LRRIQ1: variants seen among roughly 807,000 people sequenced by gnomAD.
LRRIQ1 encodes the protein leucine rich repeats and IQ motif containing 1, also known as leucine-rich repeat- and IQ domain-containing protein 1.
A neutral mutation model predicts 211.9 loss-of-function variants in LRRIQ1; 210 were observed. The ratio of observed to expected loss-of-function variants is 0.99; its 90% CI spans 0.89 to 1.11. The LOEUF (loss-of-function observed/expected upper bound fraction) is 1.11. Among genes scored for constraint, LRRIQ1 ranks in the 50% most tolerant of loss-of-function variants. LRRIQ1 has a pLI of 0.00. For synonymous variants in LRRIQ1, 699 were observed against 650.1 expected (o/e 1.08, Z -1.14); for missense variants, 2,136 against 1,939.5 (o/e 1.10, Z -1.90).
At chr12:85,171,096 A>T (rs373271623) in intron 24 of LRRIQ1, among the ~76,000 whole-genome samples, 1 of 152,142 alleles carries the variant, frequency 6.6e-6, no homozygotes, top group Non-Finnish European at 1.5e-5. Context: ...TAGATAATGG[A>T]GATTTTAAAA....
At chr12:85,167,261 A>G (rs1039582227) in intron 24 of LRRIQ1, among the ~76,000 whole-genome samples, 1 of 152,196 alleles carries the variant, frequency 6.6e-6, no homozygotes, top group African/African-American at 2.4e-5. Flanking sequence ...AGGGTTCTCT[A>G]GAGGGACAAA....
intron 18 of LRRIQ1, among the ~76,000 whole-genome samples, chr12:85,131,828 A>G (rs1888787634): frequency 6.6e-6 from 1 of 152,168 alleles, no homozygotes; most frequent in African/African-American, 2.4e-5. Flanking sequence ...TGAATATATG[A>G]GAAAGAGAGA....
At chr12:85,192,298 G>C (rs1298277145) in intron 24 of LRRIQ1, among the ~76,000 whole-genome samples, 1 of 147,792 alleles carries the variant, frequency 6.8e-6, no homozygotes, top group South Asian at 2.1e-4. Flanking sequence ...TAGGATAGTG[G>C]CCTCCAGCTC....
At chr12:85,047,632 T>A (rs1879790695) in intron 6 of LRRIQ1, 162 bp downstream of exon 6, 3 of 576,982 alleles carry the variant, frequency 5.2e-6, no homozygotes, top group Non-Finnish European at 9.1e-6. Context: ...TAATATGAGG[T>A]CCTTGATTAG....
chr12:85,108,309 A>AT (rs1057330529), intron 15 of LRRIQ1, among the ~76,000 whole-genome samples: 5 of 151,952 alleles, frequency 3.3e-5, no homozygotes, highest in Admixed American at 6.6e-5. Context: ...TTTTCTGAGT[A>AT]TTTTTTCCAG....
downstream of LRRIQ1, among the ~76,000 whole-genome samples, chr12:85,265,032 A>G (rs779358369): frequency 9.9e-5 from 15 of 152,074 alleles, no homozygotes; most frequent in Non-Finnish European, 1.9e-4. Context: ...GATGAGAATC[A>G]ACTACGTTGG....
chr12:85,230,505 C>T (rs568640301), intron 25 of LRRIQ1, among the ~76,000 whole-genome samples: 1 of 152,226 alleles, frequency 6.6e-6, no homozygotes, highest in East Asian at 1.9e-4. Flanking sequence ...ATCTTATCTA[C>T]CTTATTACCT....
chr12:85,202,194 T>C lies in LRRIQ1; in HGVS notation c.4823-27323T>C, dbSNP rs528522362. On this transcript the variant is annotated intron_variant, in intron 24 of 26. Transcript: ENST00000393217. ...GTTGTTGTTTCAATTTGCTGAGGAT[T>C]TTTTTTACATCTGTTTGTGTGGTCA... Among the ~76,000 whole-genome samples, 33 of 152,218 alleles carry C rather than the reference T, an allele frequency of 2.2e-4. No individual in the cohort carries two copies. The South Asian group carries it at 6.6e-3, about 31-fold the overall frequency.
chr12:85,056,334 A>G lies in LRRIQ1; in HGVS notation c.1541A>G (p.Asn514Ser). 1 of 1,597,510 alleles carries G rather than the reference A, an allele frequency of 6.3e-7. No individual in the cohort carries two copies. Among genetic ancestry groups the G allele is most frequent in the East Asian group, 2.2e-5 (1 of 44,522 alleles). Residue 514 changes from asparagine to serine, a missense_variant, in exon 8 of 27, where the codon AAC becomes AGC. Coordinates refer to ENST00000393217, the MANE Select transcript of LRRIQ1 (RefSeq NM_001079910.2). ...ACAGATAACAAAACTGAATTGGGAAACTCTGATCTAAAAGGAAATCTGAAA... is the reference window on the plus strand; with the variant it reads ...ACAGATAACAAAACTGAATTGGGAAGCTCTGATCTAAAAGGAAATCTGAAA... ...ENTDNKTELG[N>S]SDLKGNLKEQ... is the part of the protein sequence containing the mutation.
chr12:85,041,578 T>G (rs1878895457), intron 3 of LRRIQ1, among the ~76,000 whole-genome samples: 1 of 151,448 alleles, frequency 6.6e-6, no homozygotes, highest in African/African-American at 2.4e-5. Context: ...GCCCACTGAG[T>G]GGATTTAATA....
intron 1 of LRRIQ1, among the ~76,000 whole-genome samples, chr12:85,257,128 AAT>A (rs1256537523): frequency 7.4e-4 from 13 of 17,482 alleles, no homozygotes; most frequent in African/African-American, 1.5e-3. Flanking sequence ...CATAATATAT[AAT>A]ATATATTATA....
In LRRIQ1 at chr12:85,139,722, C is replaced by T. The variant is rs76999871; in HGVS notation, c.4329+1753C>T. On this transcript the variant is annotated intron_variant, in intron 19 of 26. Transcript: ENST00000393217. ...TGTAGAGACAGAACACTATTGCTCA[C>T]GTCTGAATTATTTTCATAGGCATAA... Among the ~76,000 whole-genome samples the T allele has an allele frequency of 6.4e-3, 967 of 151,456 alleles. 5 individuals are homozygous for T. Among genetic ancestry groups the T allele is most frequent in the Non-Finnish European group, 8.5e-3 (573 of 67,534 alleles).
intron 7 of LRRIQ1, among the ~76,000 whole-genome samples, chr12:85,053,252 A>G (rs1880546553): frequency 6.6e-6 from 1 of 152,128 alleles, no homozygotes; most frequent in Non-Finnish European, 1.5e-5. Flanking sequence ...ATGGGGCAGA[A>G]GCAAAGAGGT....
At chr12:85,194,322 C>A (rs1159072620) in intron 24 of LRRIQ1, among the ~76,000 whole-genome samples, 1 of 112,466 alleles carries the variant, frequency 8.9e-6, no homozygotes, top group Non-Finnish European at 1.8e-5. Context: ...ACCAAGCAGA[C>A]CTAATAGACA....
chr12:85,255,793 G>A (rs1439050440), intron 1 of LRRIQ1, among the ~76,000 whole-genome samples: 3 of 151,476 alleles, frequency 2.0e-5, no homozygotes, highest in African/African-American at 7.3e-5. Context: ...TTGATATTTT[G>A]TTCCTGAACC....
chr12:85,195,974 G>A (rs1369809406), intron 24 of LRRIQ1, among the ~76,000 whole-genome samples: 25 of 151,672 alleles, frequency 1.6e-4, no homozygotes, highest in East Asian at 9.7e-4. Flanking sequence ...CAACTTCAGC[G>A]AAGTCTCAGG....
intron 24 of LRRIQ1, among the ~76,000 whole-genome samples, chr12:85,189,984 TA>T (rs1892417555): frequency 7.9e-6 from 1 of 126,852 alleles, no homozygotes; most frequent in African/African-American, 3.9e-5. Flanking sequence ...AATATAACAG[TA>T]TATTATATTA....
At position 85,153,720 on chromosome 12, in the gene LRRIQ1, G is replaced by T; in HGVS notation, c.4599G>T (p.Leu1533Phe). The T allele has an allele frequency of 6.3e-7, 1 of 1,580,990 alleles. No homozygotes were observed. The highest frequency in any genetic ancestry group is 8.6e-7 in the Non-Finnish European group (1 of 1,166,106). Residue 1533 changes from leucine to phenylalanine, a missense_variant, in exon 22 of 27, where the codon TTG (leucine) becomes TTT (phenylalanine). Physicochemically the swap from Leu to Phe is conservative, Grantham distance 22. Coordinates refer to ENST00000393217, the MANE Select transcript of LRRIQ1 (RefSeq NM_001079910.2). The stretch of plus-strand genomic sequence containing the variant: ...AATCAAAGACCAGTAGAAAGAGTTT[G>T]CTAAAATCTGAAAAAGAAAAAAAAA... ...TPESKTSRKS[L>F]LKSEKEKKIS...
intron 19 of LRRIQ1, among the ~76,000 whole-genome samples, chr12:85,145,629 C>G (rs1889838796): frequency 6.6e-6 from 1 of 151,604 alleles, no homozygotes; most frequent in Non-Finnish European, 1.5e-5. Flanking sequence ...CCCCCAAGTT[C>G]CATAGGAGGA....
Sources: gnomAD v4.1 joint callset for allele counts (sites outside exome capture counted in the v4.1 genomes callset) on GRCh38, gnomAD v4.1.1 for gene constraint, MANE v1.5 for transcripts, NCBI Gene and HGNC (gene_info 2026-07-23, HGNC 2026-07-21) for gene names.